ZNF366: variants seen among roughly 807,000 people sequenced by gnomAD.
The protein encoded by ZNF366 is dendritic cell-specific transcript protein.
Under a neutral mutation model 47.2 loss-of-function variants are expected in ZNF366, and 20 were observed. The observed-to-expected ratio is 0.42, with a 90% CI of 0.30 to 0.62. ZNF366 has a LOEUF of 0.62. Among genes scored for constraint, ZNF366 ranks in the 20% least tolerant of loss-of-function variants. The pLI is 0.16. For synonymous variants in ZNF366, 421 were observed against 395.1 expected, an observed-to-expected ratio of 1.07 and a Z score of -0.78; for missense variants, 987 against 976.3, an observed-to-expected ratio of 1.01 and a Z score of -0.15.
intron 1 of ZNF366, among the ~76,000 whole-genome samples, chr5:72,489,395 TTTC>T (rs1033103603): frequency 6.6e-6 from 1 of 152,240 alleles, no homozygotes; most frequent in Non-Finnish European, 1.5e-5. Flanking sequence ...TCTTGTTTTC[TTTC>T]TTTTTTTTAA....
intron 1 of ZNF366, among the ~76,000 whole-genome samples, chr5:72,475,060 C>T (rs1459597725): frequency 1.3e-5 from 2 of 152,174 alleles, no homozygotes; most frequent in Non-Finnish European, 2.9e-5. Flanking sequence ...CTATGAGGTG[C>T]TTTGGGAGCT....
intron 1 of ZNF366, among the ~76,000 whole-genome samples, chr5:72,469,398 G>T (rs777654921): frequency 6.6e-6 from 1 of 152,132 alleles, no homozygotes; most frequent in African/African-American, 2.4e-5. Flanking sequence ...TATTCTGCAC[G>T]TCGATATTAA....
At chr5:72,477,542 A>G (rs1448011522) in intron 1 of ZNF366, among the ~76,000 whole-genome samples, 1 of 152,202 alleles carries the variant, frequency 6.6e-6, no homozygotes, top group Non-Finnish European at 1.5e-5. Flanking sequence ...TTACCCAAAG[A>G]GCTTTGCTGC....
At position 72,460,515 on chromosome 5, in the gene ZNF366, T is replaced by C; in HGVS notation, c.982A>G (p.Met328Val). 1.2e-6 allele frequency: 2 copies of C among 1,614,086 alleles called. No individual in the cohort carries two copies. Among genetic ancestry groups the C allele is most frequent in the South Asian group, 1.1e-5 (1 of 91,078 alleles). The change falls in exon 2 of 5, where the codon ATG becomes GTG. Residue 328 changes from methionine (M) to valine (V), a missense_variant. Met to Val is a conservative substitution (Grantham distance 21). Transcript: ENST00000318442. ...FTQTSHLKRH[M>V]MQHSEVKPHN... Reference sequence around the variant, plus strand: ...GGCTTCACCTCGCTGTGCTGCATCATGTGGCGCTTCAGGTGGCTGGTCTGG... The same window carrying C: ...GGCTTCACCTCGCTGTGCTGCATCACGTGGCGCTTCAGGTGGCTGGTCTGG...
intron 1 of ZNF366, among the ~76,000 whole-genome samples, chr5:72,482,031 G>A (rs1743798201): frequency 6.6e-6 from 1 of 152,118 alleles, no homozygotes; most frequent in Non-Finnish European, 1.5e-5. Context: ...CCTTCTTACT[G>A]GATGACTTTG....
At chr5:72,452,401 C>T (rs1743092134) in intron 3 of ZNF366, among the ~76,000 whole-genome samples, 1 of 152,190 alleles carries the variant, frequency 6.6e-6, no homozygotes, top group Non-Finnish European at 1.5e-5. Context: ...GTTAAGCAGG[C>T]AGTTCATACG....
intron 4 of ZNF366, among the ~76,000 whole-genome samples, chr5:72,444,632 C>T (rs1207881681): frequency 6.6e-6 from 1 of 151,230 alleles, no homozygotes. Context: ...CACAGTCAAA[C>T]AATGAAAAAA....
chr5:72,504,393 C>T (rs773356758), intron 1 of ZNF366, among the ~76,000 whole-genome samples: 1 of 152,166 alleles, frequency 6.6e-6, no homozygotes, highest in East Asian at 1.9e-4. Flanking sequence ...AAAATGTCCA[C>T]AATATAACTG....
At chr5:72,491,668 A>G (rs1744012667) in intron 1 of ZNF366, among the ~76,000 whole-genome samples, 1 of 152,220 alleles carries the variant, frequency 6.6e-6, no homozygotes, top group African/African-American at 2.4e-5. Flanking sequence ...CACTTAATAA[A>G]TGGCAATTAT....
chr5:72,472,761 C>G (rs1018298549), intron 1 of ZNF366, among the ~76,000 whole-genome samples: 1 of 152,176 alleles, frequency 6.6e-6, no homozygotes, highest in South Asian at 2.1e-4. Flanking sequence ...AGGGTGAGCC[C>G]TGTAGATTTT....
At position 72,444,135 on chromosome 5, in the gene ZNF366, T is replaced by TCCTCG; in HGVS notation, c.1851_1855dup (p.Glu619AlafsTer111). 2 of 1,613,858 alleles carry TCCTCG rather than the reference T, an allele frequency of 1.2e-6. No homozygotes were observed. Among genetic ancestry groups the TCCTCG allele is most frequent in the Non-Finnish European group, 1.7e-6 (2 of 1,180,030 alleles). On this transcript the variant is annotated frameshift_variant, in exon 5 of 5. Coordinates refer to ENST00000318442, the MANE Select transcript of ZNF366 (RefSeq NM_152625.3). LOFTEE classifies it low-confidence loss of function (END_TRUNC). ...CTCGTAGCAGTTATCCTCCTCTTCC[T>TCCTCG]CCTCGTGGCAGTGGCTGCCCTGGGC...
intron 1 of ZNF366, among the ~76,000 whole-genome samples, chr5:72,484,483 C>CAA (rs770305478): frequency 0.16 from 20,303 of 129,750 alleles, 1,888 homozygotes; most frequent in East Asian, 0.35. Context: ...GACTCCGTCT[C>CAA]AAAAAAAAAA....
At chr5:72,455,560 G>T (rs1743167030) in intron 3 of ZNF366, among the ~76,000 whole-genome samples, 1 of 152,176 alleles carries the variant, frequency 6.6e-6, no homozygotes, top group African/African-American at 2.4e-5. Context: ...CATGGCCAAT[G>T]CTCTCTCCTC....
At position 72,461,021 on chromosome 5, in the gene ZNF366, G is replaced by A; in HGVS notation, c.476C>T (p.Ala159Val). Residue 159 changes from alanine (A) to valine (V), a missense_variant, in exon 2 of 5, where the codon GCC (alanine) becomes GTC (valine). By Grantham distance (64) the Ala-to-Val change is moderately conservative. Transcript: ENST00000318442. ...AGTGGGCGTTGGCTGGGGCCACACGGCGCTGGGCTTAATGGGTTCCTGCTT... is the reference window on the plus strand; with the variant it reads ...AGTGGGCGTTGGCTGGGGCCACACGACGCTGGGCTTAATGGGTTCCTGCTT... ...PVKQEPIKPS[A>V]VWPQPTPTPF... 1.2e-6 allele frequency: 2 copies of A among 1,614,154 alleles called. No homozygotes were observed. The highest frequency in any genetic ancestry group is 2.2e-5 in the East Asian group (1 of 44,868).
At chr5:72,494,034 G>C (rs1055288451) in intron 1 of ZNF366, among the ~76,000 whole-genome samples, 2 of 148,496 alleles carry the variant, frequency 1.3e-5, no homozygotes, top group African/African-American at 5.0e-5. Context: ...GCCTCCCAAA[G>C]TGCTGGGATT....
intron 1 of ZNF366, among the ~76,000 whole-genome samples, chr5:72,482,746 T>TTGTGTGTGTG (rs3041122): frequency 0.025 from 3,540 of 141,026 alleles, 98 homozygotes; most frequent in African/African-American, 0.064. Context: ...CATTTCTATT[T>TTGTGTGTGTG]TGTGTGTGTG....
intron 1 of ZNF366, among the ~76,000 whole-genome samples, chr5:72,465,505 C>A (rs1170599609): frequency 6.6e-6 from 1 of 152,088 alleles, no homozygotes; most frequent in African/African-American, 2.4e-5. Flanking sequence ...CAATGTGTAC[C>A]ACCCACATGC....
Position 72,460,685 on chromosome 5 carries a change from TG to T in ZNF366, c.811del (p.His271ThrfsTer31). The T allele has an allele frequency of 6.2e-7, 1 of 1,614,202 alleles. No individual in the cohort carries two copies. Among genetic ancestry groups the T allele is most frequent in the Non-Finnish European group, 8.5e-7 (1 of 1,180,030 alleles). ...CTTGATCCCACTGTGGCCCAGGATG[TG>T]GGTGACCAGGTTGTACTTGGAGGTG... Reference protein sequence around the residue: ...SYTSKYNLVTHILGHSGIKPH... With the variant: ...SYTSKYNLVTXILGHSGIKPH... On this transcript the variant is annotated frameshift_variant, in exon 2 of 5. Coordinates refer to ENST00000318442, the MANE Select transcript of ZNF366 (RefSeq NM_152625.3). LOFTEE classifies it high-confidence loss of function.
In ZNF366 at chr5:72,443,991, T is replaced by C; in HGVS notation, c.2000A>G (p.Lys667Arg). The C allele has an allele frequency of 6.2e-7, 1 of 1,614,166 alleles. No homozygotes were observed. Among genetic ancestry groups the C allele is most frequent in the Non-Finnish European group, 8.5e-7 (1 of 1,180,006 alleles). Residue 667 changes from lysine to arginine, a missense_variant, in exon 5 of 5, where the codon AAG becomes AGG. Coordinates refer to ENST00000318442, the MANE Select transcript of ZNF366 (RefSeq NM_152625.3). ...EVLEEACKEE[K>R]EDASKGEWEK... Reference sequence around the variant, plus strand: ...CCATTCTCCCTTGGATGCATCCTCCTTCTCCTCCTTGCAGGCTTCCTCCAG... The same window carrying C: ...CCATTCTCCCTTGGATGCATCCTCCCTCTCCTCCTTGCAGGCTTCCTCCAG...
Sources: gnomAD v4.1 joint callset for allele counts (sites outside exome capture counted in the v4.1 genomes callset) on GRCh38, gnomAD v4.1.1 for gene constraint, MANE v1.5 for transcripts, NCBI Gene and HGNC (gene_info 2026-07-23, HGNC 2026-07-21) for gene names.